ELK3: variants seen among roughly 807,000 people sequenced by gnomAD.
ELK3 encodes the protein ETS domain-containing protein Elk-3.
ELK3 carries 10 observed loss-of-function variants against 28.9 expected under a neutral mutation model. That is an observed-to-expected ratio of 0.35 (90% CI 0.21 to 0.59). The LOEUF (loss-of-function observed/expected upper bound fraction) is 0.59, where lower values mean the gene tolerates loss of function less well. ELK3 is among the 20% of genes least tolerant of loss of function. ELK3 has a pLI of 0.82. For missense variants in ELK3, 463 were observed against 517.3 expected, an observed-to-expected ratio of 0.90 and a Z score of 1.02; for synonymous variants, 272 against 243.5, an observed-to-expected ratio of 1.12 and a Z score of -1.09.
chr12:96,194,923 C>G (rs539186645), intron 1 of ELK3, among the ~76,000 whole-genome samples: 1 of 145,914 alleles, frequency 6.9e-6, no homozygotes, highest in African/African-American at 2.5e-5. Context: ...TCGCTGCCAC[C>G]GCCGTCGCCC....
intron 2 of ELK3, among the ~76,000 whole-genome samples, chr12:96,230,549 A>G (rs1951733488): frequency 6.6e-6 from 1 of 152,194 alleles, no homozygotes; most frequent in African/African-American, 2.4e-5. Flanking sequence ...GTGTGACACT[A>G]GAATCAAAGA....
At chr12:96,218,983 TAAA>T (rs1413004932) in intron 1 of ELK3, among the ~76,000 whole-genome samples, 2 of 152,110 alleles carry the variant, frequency 1.3e-5, no homozygotes, top group Admixed American at 6.6e-5. Context: ...AAGGGAATTT[TAAA>T]AAAAAGATTT....
intron 1 of ELK3, among the ~76,000 whole-genome samples, chr12:96,216,278 C>T (rs1307229543): frequency 1.3e-5 from 2 of 152,144 alleles, no homozygotes; most frequent in Non-Finnish European, 2.9e-5. Context: ...CGAATGTACC[C>T]CAGGGAAGGA....
intron 1 of ELK3, among the ~76,000 whole-genome samples, chr12:96,212,477 T>A (rs1349909987): frequency 6.6e-6 from 1 of 152,206 alleles, no homozygotes; most frequent in Non-Finnish European, 1.5e-5. Flanking sequence ...CCCACTCATC[T>A]TTCAAGACAT....
chr12:96,226,664 G>A (rs967421325), intron 2 of ELK3, among the ~76,000 whole-genome samples: 2 of 150,030 alleles, frequency 1.3e-5, no homozygotes, highest in African/African-American at 2.5e-5. Context: ...ACATGCACAC[G>A]TGGCCACTGC....
At chr12:96,266,412 T>G (rs902312255) in intron 4 of ELK3, among the ~76,000 whole-genome samples, 1 of 152,202 alleles carries the variant, frequency 6.6e-6, no homozygotes, top group African/African-American at 2.4e-5. Flanking sequence ...CATATTTGTT[T>G]CAGACCTGAA....
chr12:96,198,877 CATTTT>C (rs1250880680), intron 1 of ELK3, among the ~76,000 whole-genome samples: 1 of 152,212 alleles, frequency 6.6e-6, no homozygotes, highest in Non-Finnish European at 1.5e-5. Flanking sequence ...ACATGTAACA[CATTTT>C]AATAATTAGT....
chr12:96,224,449 G>A (rs1565782185), intron 2 of ELK3, among the ~76,000 whole-genome samples: 1 of 152,174 alleles, frequency 6.6e-6, no homozygotes. Context: ...GACCGACCGA[G>A]CCATTACATA....
chr12:96,236,721 C>T (rs1484984705), intron 2 of ELK3, among the ~76,000 whole-genome samples: 1 of 152,224 alleles, frequency 6.6e-6, no homozygotes, highest in Non-Finnish European at 1.5e-5. Context: ...GCTGTGCCTC[C>T]TCTGCCTCGC....
intron 1 of ELK3, among the ~76,000 whole-genome samples, chr12:96,221,878 T>C (rs1951664484): frequency 6.6e-6 from 1 of 152,182 alleles, no homozygotes; most frequent in Non-Finnish European, 1.5e-5. Context: ...TAGTCTACTT[T>C]CCTTTAATTG....
chr12:96,267,177 C>G lies in ELK3; in HGVS notation c.1221C>G (p.Ser407=). 6.2e-7 allele frequency: 1 copy of G among 1,611,464 alleles called. No individual in the cohort carries two copies. Among genetic ancestry groups the G allele is most frequent in the Non-Finnish European group, 8.5e-7 (1 of 1,178,764 alleles). Reference sequence around the variant, plus strand: ...TGCTTTCTTCAAACTCTCAGAAATCCTGATGACGTCTGGCCACAATTAAGG... The same window carrying G: ...TGCTTTCTTCAAACTCTCAGAAATCGTGATGACGTCTGGCCACAATTAAGG... ...PVLLSSNSQK[S] is the part of the protein sequence containing the mutation. The change falls in exon 5 of 5, where the codon TCC becomes TCG. Residue 407 remains serine, a synonymous_variant. Transcript: ENST00000228741.
chr12:96,217,966 C>T (rs1951631827), intron 1 of ELK3, among the ~76,000 whole-genome samples: 1 of 147,794 alleles, frequency 6.8e-6, no homozygotes, highest in Non-Finnish European at 1.5e-5. Context: ...AATCATTTGT[C>T]AACACTGAGA....
chr12:96,258,191 C>T (rs1439745446), intron 3 of ELK3, among the ~76,000 whole-genome samples: 4 of 152,160 alleles, frequency 2.6e-5, no homozygotes, highest in Admixed American at 1.3e-4. Context: ...CATGCTGAGC[C>T]GTGAAGTTTT....
At chr12:96,217,212 C>T (rs1183124547) in intron 1 of ELK3, among the ~76,000 whole-genome samples, 4 of 152,240 alleles carry the variant, frequency 2.6e-5, no homozygotes, top group Non-Finnish European at 4.4e-5. Context: ...GATCGTGCCA[C>T]TGCACTCCAG....
At position 96,208,456 on chromosome 12, in the gene ELK3, A is replaced by G. The variant is rs748181199; in HGVS notation, c.-3+13751A>G. On this transcript the variant is annotated intron_variant, in intron 1 of 4. Transcript: ENST00000228741. ...TAAGAAAGTTCCCAGTTTTCCTGAG[A>G]AGAGCATGCAATGGCGTCTCTCCTT... Among the ~76,000 whole-genome samples the G allele has an allele frequency of 3.9e-5, 6 of 152,338 alleles. No homozygotes were observed. The East Asian group carries it at 9.6e-4, about 24-fold the overall frequency.
chr12:96,237,987 A>C (rs1347415182), intron 2 of ELK3, among the ~76,000 whole-genome samples: 1 of 151,184 alleles, frequency 6.6e-6, no homozygotes, highest in Non-Finnish European at 1.5e-5. Context: ...GCCTGGAGAT[A>C]CTCCTCTGCT....
chr12:96,247,090 G>A lies in ELK3; in HGVS notation c.358G>A (p.Glu120Lys), dbSNP rs546312459. The A allele has an allele frequency of 1.2e-6, 2 of 1,613,640 alleles. No individual in the cohort carries two copies. The highest frequency in any genetic ancestry group is 1.3e-5 in the African/African-American group (1 of 75,032). ...SDCKASPEGR[E>K]AHKHGLAALR... The stretch of plus-strand genomic sequence containing the variant: ...CTGCAAGGCGTCTCCGGAGGGCCGC[G>A]AGGCCCACAAACACGGCCTGGCCGC... Residue 120 changes from glutamate (E) to lysine (K), a missense_variant, in exon 3 of 5, where the codon GAG becomes AAG. Around this residue, in one of 2 missense-constraint regions of ELK3, gnomAD observed 408 missense variants for 414.8 expected, o/e 0.98. Transcript: ENST00000228741. The surrounding 1 kb of genome is among the most constrained non-coding windows in gnomAD (Gnocchi z 5.5).
intron 2 of ELK3, among the ~76,000 whole-genome samples, chr12:96,243,240 C>T (rs1951833483): frequency 6.6e-6 from 1 of 152,188 alleles, no homozygotes; most frequent in African/African-American, 2.4e-5. Context: ...TAGAGTTCTG[C>T]ACCCATCACC....
chr12:96,232,080 C>T (rs887728975), intron 2 of ELK3, among the ~76,000 whole-genome samples: 3 of 152,062 alleles, frequency 2.0e-5, no homozygotes, highest in Non-Finnish European at 4.4e-5. Flanking sequence ...TGAGTTTACC[C>T]GGCTGAAAAA....
Sources: gnomAD v4.1 joint callset for allele counts (sites outside exome capture counted in the v4.1 genomes callset) on GRCh38, gnomAD v4.1.1 for gene constraint, gnomAD v4.1.1 regional missense constraint, Gnocchi (gnomAD v3.1) non-coding constraint, MANE v1.5 for transcripts, NCBI Gene and HGNC (gene_info 2026-07-23, HGNC 2026-07-21) for gene names.